Variants in SNX29 observed in about 807,000 individuals in gnomAD.
SNX29 encodes sorting nexin 29.
In SNX29, 78 loss-of-function variants were observed where a neutral mutation model predicts 102.1. The observed-to-expected ratio is 0.76, with a 90% CI of 0.64 to 0.92. SNX29 has a LOEUF of 0.92. SNX29 is among the 40% of genes least tolerant of loss of function. SNX29 has a pLI of 0.00. For synonymous variants in SNX29, 580 were observed against 414.5 expected, an observed-to-expected ratio of 1.40 and a Z score of -4.85; for missense variants, 1,280 against 1,061.7, an observed-to-expected ratio of 1.21 and a Z score of -2.86.
At chr16:12,077,993 GT>G (rs2051667503) in intron 10 of SNX29, among the ~76,000 whole-genome samples, 1 of 152,124 alleles carries the variant, frequency 6.6e-6, no homozygotes, top group African/African-American at 2.4e-5. Flanking sequence ...AAGACACCTT[GT>G]TTAATGTATG....
chr16:12,048,221 C>G, intron 6 of SNX29, 151 bp from the exon 7 acceptor site: 2 of 1,136,522 alleles, frequency 1.8e-6, no homozygotes, highest in Middle Eastern at 2.8e-4. Context: ...GATTTTCGCT[C>G]CCTGCAACGT....
At chr16:12,238,687 A>C (rs149505874) in intron 14 of SNX29, among the ~76,000 whole-genome samples, 111 of 152,360 alleles carry the variant, frequency 7.3e-4, no homozygotes, top group African/African-American at 2.6e-3. Context: ...AAACCATGCC[A>C]ATAATAGTGT....
At chr16:12,553,868 G>C (rs186477454) in intron 20 of SNX29, among the ~76,000 whole-genome samples, 195 of 151,920 alleles carry the variant, frequency 1.3e-3, no homozygotes, top group African/African-American at 4.4e-3. Flanking sequence ...ATTTCAGATG[G>C]AGTCTCACTC....
intron 14 of SNX29, among the ~76,000 whole-genome samples, chr16:12,231,147 C>T (rs1174242733): frequency 6.6e-6 from 1 of 152,124 alleles, no homozygotes; most frequent in African/African-American, 2.4e-5. Flanking sequence ...GCCAATGTGC[C>T]CTGCCGGTAA....
At chr16:12,103,731 A>G (rs2053115272) in intron 11 of SNX29, among the ~76,000 whole-genome samples, 3 of 152,244 alleles carry the variant, frequency 2.0e-5, no homozygotes, top group Admixed American at 2.0e-4. Context: ...ACAGCAAAAG[A>G]AACTATCATC....
intron 20 of SNX29, among the ~76,000 whole-genome samples, chr16:12,547,113 G>A (rs1019242452): frequency 2.6e-5 from 4 of 152,196 alleles, no homozygotes; most frequent in African/African-American, 9.7e-5. Flanking sequence ...TGAAAAGACA[G>A]GAAATGACAT....
intron 16 of SNX29, among the ~76,000 whole-genome samples, chr16:12,391,852 GTTTC>G (rs1169312541): frequency 4.6e-5 from 7 of 152,122 alleles, no homozygotes; most frequent in Non-Finnish European, 7.4e-5. Flanking sequence ...AGACATGATA[GTTTC>G]TTTCTTTCGA....
chr16:12,013,083 G>T (rs566545419), intron 3 of SNX29, among the ~76,000 whole-genome samples: 33 of 151,634 alleles, frequency 2.2e-4, no homozygotes, highest in African/African-American at 8.0e-4. Flanking sequence ...GTGAAGCAGG[G>T]ACTGGGGAAG....
At chr16:12,353,485 A>G (rs893983513) in intron 15 of SNX29, among the ~76,000 whole-genome samples, 2 of 141,278 alleles carry the variant, frequency 1.4e-5, no homozygotes, top group African/African-American at 6.4e-5. Context: ...TGCCCATTTC[A>G]TAGACGCACA....
chr16:12,201,248 A>G (rs778924577), intron 14 of SNX29, among the ~76,000 whole-genome samples: 5 of 152,130 alleles, frequency 3.3e-5, no homozygotes, highest in Non-Finnish European at 5.9e-5. Flanking sequence ...CCCTGAATTC[A>G]TCTCATTATA....
At chr16:12,522,323 C>T (rs1003074993) in intron 19 of SNX29, among the ~76,000 whole-genome samples, 2 of 145,534 alleles carry the variant, frequency 1.4e-5, no homozygotes, top group Non-Finnish European at 3.0e-5. Context: ...TCTGCCAGCC[C>T]TGGCTCAAAG....
intron 11 of SNX29, among the ~76,000 whole-genome samples, chr16:12,113,012 T>A (rs1353319166): frequency 2.0e-5 from 3 of 152,068 alleles, no homozygotes; most frequent in Non-Finnish European, 4.4e-5. Flanking sequence ...GAGATCCACA[T>A]GATTCCCATT....
In SNX29 at chr16:12,433,469, A is replaced by G. The variant is rs535798122; in HGVS notation, c.2037+29940A>G. 2.6e-5 allele frequency among the ~76,000 whole-genome samples: 4 copies of G among 152,156 alleles called. No individual in the cohort carries two copies. In the East Asian group the frequency reaches 7.8e-4, roughly 30 times the overall value. Reference sequence around the variant, plus strand: ...AGTATGGTGAAACCCCGTCTCTACTAAAAATAGAACAATTAGCCTGGCGTG... The same window carrying G: ...AGTATGGTGAAACCCCGTCTCTACTGAAAATAGAACAATTAGCCTGGCGTG... On this transcript the variant is annotated intron_variant, in intron 18 of 20. Transcript: ENST00000566228.
chr16:12,220,716 A>G (rs893545635), intron 14 of SNX29, among the ~76,000 whole-genome samples: 2 of 152,198 alleles, frequency 1.3e-5, no homozygotes, highest in Non-Finnish European at 2.9e-5. Context: ...TTTGAATTTA[A>G]TGATTCATAT....
intron 19 of SNX29, among the ~76,000 whole-genome samples, chr16:12,506,935 G>A (rs376482917): frequency 2.0e-5 from 3 of 151,746 alleles, no homozygotes; most frequent in Non-Finnish European, 4.4e-5. Context: ...TTTTGCATTC[G>A]TTTGTCTGAC....
chr16:12,175,441 CA>C (rs1427975462), intron 13 of SNX29, among the ~76,000 whole-genome samples: 2 of 151,706 alleles, frequency 1.3e-5, no homozygotes, highest in South Asian at 4.2e-4. Context: ...CCAGCCTGGC[CA>C]AAAAGATGAA....
intron 20 of SNX29, among the ~76,000 whole-genome samples, chr16:12,566,327 C>T (rs1382625259): frequency 2.0e-5 from 3 of 152,170 alleles, no homozygotes; most frequent in African/African-American, 4.8e-5. Context: ...CTCCCTACCC[C>T]TTCATAACAG....
intron 19 of SNX29, among the ~76,000 whole-genome samples, chr16:12,488,441 T>TCC (rs35213858): frequency 3.3e-5 from 5 of 151,590 alleles, no homozygotes; most frequent in East Asian, 3.9e-4. Flanking sequence ...CTTCCCGCAG[T>TCC]CCCCCCCGTC....
At chr16:12,133,312 A>G (rs2054542249) in intron 13 of SNX29, among the ~76,000 whole-genome samples, 1 of 85,174 alleles carries the variant, frequency 1.2e-5, no homozygotes, top group Non-Finnish European at 2.1e-5. Flanking sequence ...TTTTTTTAAG[A>G]TAGTATCTCA....
Sources: allele counts gnomAD v4.1 joint callset (sites outside exome capture counted in the v4.1 genomes callset), GRCh38; gene constraint gnomAD v4.1.1; transcripts MANE v1.5; gene names NCBI Gene and HGNC (gene_info 2026-07-23, HGNC 2026-07-21).